SLC12A5: variants seen among roughly 807,000 people sequenced by gnomAD.
SLC12A5 encodes the protein solute carrier family 12 member 5.
In SLC12A5, 18 loss-of-function variants were observed where a neutral mutation model predicts 124.0. The observed-to-expected ratio is 0.15, with a 90% CI of 0.10 to 0.22. The LOEUF is 0.22. Among genes scored for constraint, SLC12A5 ranks in the 10% least tolerant of loss-of-function variants. The pLI, the probability that SLC12A5 is intolerant of heterozygous loss-of-function variation, is 1.00. For missense variants in SLC12A5, 867 were observed against 1,478.7 expected (o/e 0.59, Z 6.78); for synonymous variants, 589 against 568.0 (o/e 1.04, Z -0.53).
chr20:46,047,635 G>T, intron 15 of SLC12A5, 62 bp downstream of exon 15: 1 of 1,583,108 alleles, frequency 6.3e-7, no homozygotes, highest in Non-Finnish European at 8.6e-7. Context: ...GGGAAGGAGA[G>T]GGAAGGGGTC....
At chr20:46,034,844 C>T (rs767465930) in intron 1 of SLC12A5, 104 bp from the exon 2 acceptor site, 140 of 1,017,126 alleles carry the variant, frequency 1.4e-4, no homozygotes, top group Middle Eastern at 6.4e-4. Flanking sequence ...TTTCCCAATG[C>T]GCGAACTGAG....
chr20:46,023,211 G>T (rs2084371052), intron 2 of SLC12A5: 2 of 397,810 alleles, frequency 5.0e-6, no homozygotes, highest in South Asian at 1.4e-4. Flanking sequence ...GGAACCGAAC[G>T]CCTCCTGGTT....
chr20:46,051,958 A>G (rs1024233877), intron 18 of SLC12A5, 88 bp downstream of exon 18: 1 of 1,184,378 alleles, frequency 8.4e-7, no homozygotes, highest in African/African-American at 1.5e-5. Flanking sequence ...TTTGGGCCTG[A>G]GGGGTTTCCC....
chr20:46,046,025 CT>C (rs755910563), intron 13 of SLC12A5, 29 bp downstream of exon 13: 27 of 1,597,000 alleles, frequency 1.7e-5, no homozygotes, highest in East Asian at 6.7e-5. Context: ...GCCCTCCCCC[CT>C]GGTTCAGGGT....
chr20:46,035,899 C>T lies in SLC12A5; in HGVS notation c.402C>T (p.Cys134=). 1.2e-6 allele frequency: 2 copies of T among 1,613,544 alleles called. No homozygotes were observed. Among genetic ancestry groups the T allele is most frequent in the Non-Finnish European group, 1.7e-6 (2 of 1,179,616 alleles). Residue 134 remains cysteine (C), a synonymous_variant, in exon 4 of 26, where the codon TGC becomes TGT. Coordinates refer to ENST00000243964, the MANE Select transcript of SLC12A5 (RefSeq NM_020708.5). The part of the protein sequence containing the change: ...VGIAGIMESF[C]MVFICCSCTM... ...TTGCAGGCATCATGGAGTCCTTCTG[C>T]ATGGTGTTCATCTGCTGCTCCTGTG...
At chr20:46,043,852 A>G (rs1308564857) in intron 10 of SLC12A5, 24 bp from the exon 11 acceptor site, 1 of 1,613,424 alleles carries the variant, frequency 6.2e-7, no homozygotes, top group Admixed American at 1.7e-5. Context: ...AACCGTGGGG[A>G]TTCTCCTTTA....
chr20:46,034,193 T>A (rs2084477142), intron 1 of SLC12A5, among the ~76,000 whole-genome samples: 2 of 152,214 alleles, frequency 1.3e-5, no homozygotes, highest in Non-Finnish European at 2.9e-5. Flanking sequence ...TCTGTCTGCC[T>A]GGAACACCCT....
rs200685391 is a variant in SLC12A5 at position 46,057,640 on chromosome 20, C to G, written c.*35C>G. 18 of 1,552,284 alleles carry G rather than the reference C, an allele frequency of 1.2e-5. No homozygotes were observed. The highest frequency in any genetic ancestry group is 1.8e-4 in the Middle Eastern group (1 of 5,670). ...CCTGCCACCCGGGCCCGAGCGCGCC[C>G]GGCCCGCGGCTCCGGAGCCCTCGCC... On this transcript the variant is annotated 3_prime_UTR_variant, in exon 26 of 26. Transcript: ENST00000243964. This position sits in a 1 kb window ranked among gnomAD's most constrained non-coding sequence, Gnocchi z 7.1.
rs1053671124 is a variant in SLC12A5 at position 46,047,342 on chromosome 20, C to G, written c.1788-112C>G. Reference sequence around the variant, plus strand: ...TGTGAGTTCCCCTAGACCGGGCTGTCACCTCCCAGGTCTTGCCCATGCCCT... The same window carrying G: ...TGTGAGTTCCCCTAGACCGGGCTGTGACCTCCCAGGTCTTGCCCATGCCCT... On this transcript the variant is annotated intron_variant, in intron 14 of 25. Transcript: ENST00000243964. 6.3e-6 allele frequency: 9 copies of G among 1,436,788 alleles called. No homozygotes were observed. The African/African-American group carries it at 1.3e-4, about 20-fold the overall frequency. The allele number at this position is 1,436,788 out of a possible 1,614,324, so 89.0% of individuals were successfully genotyped here.
intron 6 of SLC12A5, among the ~76,000 whole-genome samples, chr20:46,039,338 C>T (rs531574376): frequency 2.6e-5 from 4 of 152,276 alleles, no homozygotes; most frequent in African/African-American, 9.6e-5. Context: ...CTTATGAAAA[C>T]ACATACAGAC....
At position 46,029,317 on chromosome 20, in the gene SLC12A5, T is replaced by TC; in HGVS notation, c.-24dup. 6.7e-7 allele frequency: 1 copy of TC among 1,484,980 alleles called. No individual in the cohort carries two copies. Among genetic ancestry groups the TC allele is most frequent in the Non-Finnish European group, 9.0e-7 (1 of 1,110,818 alleles). The allele number at this position is 1,484,980 out of a possible 1,614,324, so 92.0% of individuals were successfully genotyped here. On this transcript the variant is annotated 5_prime_UTR_variant, in exon 1 of 26. Transcript: ENST00000243964. ...GGGCGCGGGCGAGGCGGCGCAGCCA[T>TC]CCCCGGACCAGGGGCCGCGCCGCCA...
At chr20:46,048,143 G>C in intron 16 of SLC12A5, 58 bp downstream of exon 16, 1 of 1,458,058 alleles carries the variant, frequency 6.9e-7, no homozygotes, top group African/African-American at 1.4e-5. Flanking sequence ...GCAAGGCTCA[G>C]GAGACAGGGG....
At chr20:46,032,148 T>C (rs1480697142) in intron 1 of SLC12A5, among the ~76,000 whole-genome samples, 1 of 152,158 alleles carries the variant, frequency 6.6e-6, no homozygotes, top group African/African-American at 2.4e-5. Context: ...CCGCGTTACA[T>C]AAGCGGCTGC....
Position 46,041,319 on chromosome 20 carries a change from C to T in SLC12A5, c.855-10C>T. 1 of 1,613,510 alleles carries T rather than the reference C, an allele frequency of 6.2e-7. No homozygotes were observed. Among genetic ancestry groups the T allele is most frequent in the Non-Finnish European group, 8.5e-7 (1 of 1,179,680 alleles). On this transcript the variant is annotated splice_polypyrimidine_tract_variant and intron_variant, in intron 7 of 25. Transcript: ENST00000243964. The stretch of plus-strand genomic sequence containing the variant: ...GGCTCCCCACCTTCCTCCCTTGTTT[C>T]TCTCCCTAGGATCTGCCTCCTGGGT...
At chr20:46,036,843 A>G (rs963288013) in intron 5 of SLC12A5, 48 bp downstream of exon 5, 1 of 1,607,298 alleles carries the variant, frequency 6.2e-7, no homozygotes, top group Non-Finnish European at 8.5e-7. Flanking sequence ...GGGTGGAAGG[A>G]GGGATAGTGC....
At position 46,045,592 on chromosome 20, in the gene SLC12A5, T is replaced by C. The variant is rs2084587845; in HGVS notation, c.1570-286T>C. Among the ~76,000 whole-genome samples the C allele has an allele frequency of 6.6e-6, 1 of 151,974 alleles. No individual in the cohort carries two copies. Among genetic ancestry groups the C allele is most frequent in the Admixed American group, 6.5e-5 (1 of 15,270 alleles). On this transcript the variant is annotated intron_variant, in intron 12 of 25. Coordinates refer to ENST00000243964, the MANE Select transcript of SLC12A5 (RefSeq NM_020708.5). The surrounding 1 kb of genome is among the most constrained non-coding windows in gnomAD (Gnocchi z 4.9). ...GATGGAGCACAGGGTCGTGGTGGCT[T>C]GCTGGCTTCCTGACAGCTCCTCTCC...
chr20:46,021,758 T>A (rs1465072172), upstream of SLC12A5: 3 of 1,533,722 alleles, frequency 2.0e-6, no homozygotes, highest in Non-Finnish European at 2.6e-6. Flanking sequence ...CTGGCTCCTT[T>A]CCGCGCCATG....
At chr20:46,036,659 T>C (rs933349372) in intron 4 of SLC12A5, 82 bp from the exon 5 acceptor site, 4 of 1,484,560 alleles carry the variant, frequency 2.7e-6, no homozygotes, top group African/African-American at 2.8e-5. Context: ...GGCTGGTGTT[T>C]ATGGGGTATA....
intron 16 of SLC12A5, among the ~76,000 whole-genome samples, chr20:46,049,062 G>A (rs1405871930): frequency 6.6e-6 from 1 of 152,132 alleles, no homozygotes; most frequent in African/African-American, 2.4e-5. Flanking sequence ...TTGTTGACTT[G>A]TCTTGGCTGA....
Sources: allele counts gnomAD v4.1 joint callset (sites outside exome capture counted in the v4.1 genomes callset), GRCh38; gene constraint gnomAD v4.1.1; non-coding constraint Gnocchi (gnomAD v3.1); transcripts MANE v1.5; gene names NCBI Gene and HGNC (gene_info 2026-07-23, HGNC 2026-07-21).